The following TRPC4 variants were observed in gnomAD, a reference collection of about 807,000 sequenced individuals.
TRPC4 encodes short transient receptor potential channel 4.
A neutral mutation model predicts 99.4 loss-of-function variants in TRPC4; 49 were observed. That is an observed-to-expected ratio of 0.49 (90% CI 0.39 to 0.63). TRPC4 has a LOEUF of 0.63. Ranked by LOEUF, TRPC4 falls within the 20% of genes least tolerant of loss-of-function variation. TRPC4 has a pLI of 0.00. For missense variants in TRPC4, 898 were observed against 1,152.9 expected, an observed-to-expected ratio of 0.78 and a Z score of 3.20; for synonymous variants, 454 against 425.9, an observed-to-expected ratio of 1.07 and a Z score of -0.81.
intron 6 of TRPC4, among the ~76,000 whole-genome samples, chr13:37,663,143 CA>C (rs1182612022): frequency 1.3e-5 from 2 of 151,994 alleles, no homozygotes; most frequent in Admixed American, 6.6e-5. Context: ...AATTCTACAT[CA>C]AAAAAATAGT....
At position 37,806,176 on chromosome 13, in the gene TRPC4, G is replaced by A. The variant is rs200679182; in HGVS notation, c.-27-22816C>T. On this transcript the variant is annotated intron_variant, in intron 1 of 10. Transcript: ENST00000379705. ...TCAAAACAAAATACAGGAATATTCG[G>A]GAGAAAGTACCAGAGGTGTCAGTCA... is the stretch of plus-strand genomic sequence containing the variant. Among the ~76,000 whole-genome samples the A allele has an allele frequency of 5.3e-5, 8 of 152,040 alleles. No homozygotes were observed. In the East Asian group the frequency reaches 1.6e-3, roughly 29 times the overall value.
At chr13:37,782,904 CAAAA>C in intron 2 of TRPC4, 48 bp downstream of exon 2, 2 of 1,276,830 alleles carry the variant, frequency 1.6e-6, no homozygotes, top group Non-Finnish European at 2.0e-6. Flanking sequence ...AAAGAAAAAA[CAAAA>C]AACCTTCTGC....
At chr13:37,745,454 A>ATATATATGCG (rs1555265690) in intron 3 of TRPC4, among the ~76,000 whole-genome samples, 9 of 3,112 alleles carry the variant, frequency 2.9e-3, no homozygotes, top group East Asian at 0.026. Flanking sequence ...ATATATATAT[A>ATATATATGCG]TATATATATA....
intron 2 of TRPC4, among the ~76,000 whole-genome samples, chr13:37,776,166 C>A (rs895373827): frequency 6.6e-6 from 1 of 151,756 alleles, no homozygotes; most frequent in Non-Finnish European, 1.5e-5. Context: ...TCTGTAACAG[C>A]CTTTAAACTC....
Position 37,752,992 on chromosome 13 carries a change from G to GCACA in TRPC4, c.379-6541_379-6538dup, listed in dbSNP as rs527774572. ...TTTCTCCCTCCACACACACACACAC[G>GCACA]CACACACACACACACACAGTATAAT... On this transcript the variant is annotated intron_variant, in intron 2 of 10. Transcript: ENST00000379705. 1.2e-4 allele frequency among the ~76,000 whole-genome samples: 17 copies of GCACA among 140,358 alleles called. No homozygotes were observed. In the East Asian group the frequency reaches 1.8e-3, roughly 15 times the overall value. The allele number at this position is 140,358 out of a possible 152,430, so 92.1% of individuals were successfully genotyped here. A position where few individuals can be genotyped will look rare whatever the true frequency, so the allele number is the denominator to read the frequency against.
At chr13:37,684,259 A>G (rs892149889) in intron 4 of TRPC4, among the ~76,000 whole-genome samples, 5 of 152,222 alleles carry the variant, frequency 3.3e-5, no homozygotes, top group African/African-American at 1.2e-4. Flanking sequence ...AAATATTCTT[A>G]GTTGGAAGGC....
At chr13:37,653,302 A>G (rs1188686704) in intron 7 of TRPC4, among the ~76,000 whole-genome samples, 2 of 152,154 alleles carry the variant, frequency 1.3e-5, no homozygotes, top group Non-Finnish European at 2.9e-5. Context: ...AGCAGTCTTT[A>G]GTTGGGGCCT....
chr13:37,761,930 T>C (rs1956233072), intron 2 of TRPC4, among the ~76,000 whole-genome samples: 1 of 151,920 alleles, frequency 6.6e-6, no homozygotes, highest in African/African-American at 2.4e-5. Flanking sequence ...TCTCCTGAAA[T>C]GGCATCTGCT....
rs1385876187 is a variant in TRPC4, at chr13:37,805,213, G to A, written c.-27-21853C>T. On this transcript the variant is annotated intron_variant, in intron 1 of 10. Transcript: ENST00000379705. ...TGAATATTAGAGAGGAATACTTTCT[G>A]TTTTACAGGCAGTATCTATTATTTT... Among the ~76,000 whole-genome samples, 3 of 151,832 alleles carry A rather than the reference G, an allele frequency of 2.0e-5. No individual in the cohort carries two copies. The East Asian group carries it at 5.8e-4, about 29-fold the overall frequency.
chr13:37,753,226 ATACT>A (rs1382732617), intron 2 of TRPC4, among the ~76,000 whole-genome samples: 2 of 152,102 alleles, frequency 1.3e-5, no homozygotes, highest in Admixed American at 1.3e-4. Flanking sequence ...ATTTATAAAA[ATACT>A]TTCTTTAGAG....
In TRPC4 at chr13:37,637,527, C is replaced by T. The variant is rs1951573283; in HGVS notation, c.2310G>A (p.Glu770=). The T allele has an allele frequency of 6.2e-7, 1 of 1,613,758 alleles. No homozygotes were observed. Among genetic ancestry groups the T allele is most frequent in the Non-Finnish European group, 8.5e-7 (1 of 1,179,748 alleles). ...STIQSANASK[E]SSNSADSDEK... Reference sequence around the variant, plus strand: ...CATCTGAGTCTGCCGAATTTGAAGACTCCTTCGAGGCATTCGCAGATTGTA... The same window carrying T: ...CATCTGAGTCTGCCGAATTTGAAGATTCCTTCGAGGCATTCGCAGATTGTA... The change falls in exon 11 of 11, where the codon GAG becomes GAA. Residue 770 remains glutamate (E), a synonymous_variant. Transcript: ENST00000379705.
At chr13:37,731,384 C>A (rs1051920404) in intron 3 of TRPC4, among the ~76,000 whole-genome samples, 1 of 151,842 alleles carries the variant, frequency 6.6e-6, no homozygotes, top group Non-Finnish European at 1.5e-5. Context: ...TTTCTTAACA[C>A]AAGAAGCTGT....
intron 1 of TRPC4, among the ~76,000 whole-genome samples, chr13:37,803,194 C>G (rs529061775): frequency 3.9e-5 from 6 of 151,952 alleles, no homozygotes; most frequent in Non-Finnish European, 8.8e-5. Flanking sequence ...TCTGTCACTA[C>G]AAGAGGCTTC....
chr13:37,648,109 A>G lies in TRPC4; in HGVS notation c.2079+3156T>C, dbSNP rs190396069. ...AGGCACGTGCCACCACGCGCAGCTA[A>G]TTTTTGTATTTTTGGTAGAGACAGG... On this transcript the variant is annotated intron_variant, in intron 8 of 10. Coordinates refer to ENST00000379705, the MANE Select transcript of TRPC4 (RefSeq NM_016179.4). 2.2e-3 allele frequency among the ~76,000 whole-genome samples: 340 copies of G among 152,000 alleles called. 2 individuals are homozygous for G. Among genetic ancestry groups the G allele is most frequent in the Admixed American group, 5.0e-3 (77 of 15,272 alleles).
intron 3 of TRPC4, among the ~76,000 whole-genome samples, chr13:37,696,890 A>C (rs2138907950): frequency 6.6e-6 from 1 of 151,144 alleles, no homozygotes; most frequent in African/African-American, 2.4e-5. Flanking sequence ...ACTTCAGGGA[A>C]TTAACTTTTT....
At position 37,697,655 on chromosome 13, in the gene TRPC4, C is replaced by A. The variant is rs575435044; in HGVS notation, c.898-5320G>T. On this transcript the variant is annotated intron_variant, in intron 3 of 10. Coordinates refer to ENST00000379705, the MANE Select transcript of TRPC4 (RefSeq NM_016179.4). ...GGACATGCTTGAGTCTAAATTGTTG[C>A]AACTCAAATTGTGGGCTGAGTCCAG... 4.3e-4 allele frequency among the ~76,000 whole-genome samples: 66 copies of A among 152,200 alleles called. 1 individual carries two copies. In the South Asian group the frequency reaches 6.2e-3, roughly 14 times the overall value.
chr13:37,774,095 G>A (rs540974486), intron 2 of TRPC4, among the ~76,000 whole-genome samples: 1 of 151,574 alleles, frequency 6.6e-6, no homozygotes, highest in Admixed American at 6.6e-5. Context: ...TTTCCCTCAG[G>A]GACTCCAGAA....
chr13:37,785,844 G>T (rs1278082879), intron 1 of TRPC4, among the ~76,000 whole-genome samples: 1 of 151,904 alleles, frequency 6.6e-6, no homozygotes, highest in African/African-American at 2.4e-5. Context: ...AGAACTTTGA[G>T]GAAGAGGGAA....
chr13:37,855,178 CA>C (rs992035504), intron 1 of TRPC4, among the ~76,000 whole-genome samples: 1 of 151,182 alleles, frequency 6.6e-6, no homozygotes, highest in Non-Finnish European at 1.5e-5. Context: ...AAAAAGCAAG[CA>C]GGAGTAGCTA....
Sources: allele counts gnomAD v4.1 joint callset (sites outside exome capture counted in the v4.1 genomes callset), GRCh38; gene constraint gnomAD v4.1.1; transcripts MANE v1.5; gene names NCBI Gene and HGNC (gene_info 2026-07-23, HGNC 2026-07-21).